RFLNA: variants seen among roughly 807,000 people sequenced by gnomAD.
RFLNA encodes the protein refilin A.
RFLNA carries 5 observed loss-of-function variants against 7.8 expected under a neutral mutation model. The ratio of observed to expected loss-of-function variants is 0.64; its 90% confidence interval spans 0.34 to 1.35. The LOEUF is 1.35. RFLNA is among the 40% of genes most tolerant of loss of function. The probability of loss-of-function intolerance (pLI) is 0.04; values close to 1 mark genes in which losing one functional copy is unlikely to be tolerated. For missense variants in RFLNA, 278 were observed against 305.5 expected, an observed-to-expected ratio of 0.91 and a Z score of 0.67; for synonymous variants, 141 against 131.3, an observed-to-expected ratio of 1.07 and a Z score of -0.50.
In RFLNA at chr12:124,295,400, C is replaced by A. The variant is rs2033888674; in HGVS notation, c.-30C>A. 1 of 1,180,626 alleles carries A rather than the reference C, an allele frequency of 8.5e-7. No individual in the cohort carries two copies. Among genetic ancestry groups the A allele is most frequent in the East Asian group, 3.2e-5 (1 of 31,084 alleles). The allele number at this position is 1,180,626 out of a possible 1,614,324, so 73.1% of individuals were successfully genotyped here. ...CGCGGTGGAGAAGCCCCCGGAGGAG[C>A]GGGGGGCCCGCGCCCCGCGCCCCCC... On this transcript the variant is annotated 5_prime_UTR_variant, in exon 1 of 3. Coordinates refer to ENST00000546355, the MANE Select transcript of RFLNA (RefSeq NM_001365156.1).
chr12:124,289,955 G>A lies in RFLNA; in HGVS notation c.-37+585G>A, dbSNP rs1417975740. ...CTCTGAAACATTTGACCACATGCCCGGCTGGACAGCTCAGACAGGGCCTGT... is the reference window on the plus strand; with the variant it reads ...CTCTGAAACATTTGACCACATGCCCAGCTGGACAGCTCAGACAGGGCCTGT... On this transcript the variant is annotated intron_variant, in intron 1 of 2. Transcript: ENST00000324038. This position sits in a 1 kb window ranked among gnomAD's most constrained non-coding sequence, Gnocchi z 5.0. Among the ~76,000 whole-genome samples the A allele has an allele frequency of 3.3e-5, 5 of 152,156 alleles. No homozygotes were observed. The highest frequency in any genetic ancestry group is 6.5e-5 in the Admixed American group (1 of 15,278).
intron 1 of RFLNA, among the ~76,000 whole-genome samples, chr12:124,298,580 C>T (rs564382172): frequency 6.6e-6 from 1 of 152,236 alleles, no homozygotes; most frequent in Admixed American, 6.5e-5. Context: ...CTGTGTGTCA[C>T]GCTCTGTTTG....
At chr12:124,300,761 T>TTGAC (rs1566322833) in intron 1 of RFLNA, among the ~76,000 whole-genome samples, 55 of 112,964 alleles carry the variant, frequency 4.9e-4, no homozygotes, top group African/African-American at 1.4e-3. Flanking sequence ...GATGGATGGA[T>TTGAC]GGATGGATGG....
intron 1 of RFLNA, among the ~76,000 whole-genome samples, chr12:124,296,977 T>G (rs1219620084): frequency 2.0e-5 from 3 of 152,174 alleles, no homozygotes; most frequent in Non-Finnish European, 4.4e-5. Flanking sequence ...TTCCAGGAGT[T>G]GATAGAGGTG....
At chr12:124,308,183 G>C (rs2034171354) in intron 1 of RFLNA, among the ~76,000 whole-genome samples, 1 of 152,060 alleles carries the variant, frequency 6.6e-6, no homozygotes, top group Non-Finnish European at 1.5e-5. Context: ...GGTTTCACCA[G>C]GTTGTCCAGG....
chr12:124,311,849 C>A lies in RFLNA; in HGVS notation c.239C>A (p.Ser80Ter). The A allele has an allele frequency of 6.3e-7, 1 of 1,599,212 alleles. No homozygotes were observed. The highest frequency in any genetic ancestry group is 8.5e-7 in the Non-Finnish European group (1 of 1,173,408). Reference sequence around the variant, plus strand: ...TCCCAACTCCCAAATCCCCCGGCGTCGGAGATGAGGCCCCGGATGCTGCCA... The same window carrying A: ...TCCCAACTCCCAAATCCCCCGGCGTAGGAGATGAGGCCCCGGATGCTGCCA... ...PPSQLPNPPASEMRPRMLPVF... is the reference protein window; with the variant it reads ...PPSQLPNPPA Residue 80 changes from serine to a stop codon, truncating the protein, a stop_gained, in exon 2 of 3, where the codon TCG (serine) becomes TAG (stop). Coordinates refer to ENST00000546355, the MANE Select transcript of RFLNA (RefSeq NM_001365156.1). LOFTEE classifies it high-confidence loss of function.
intron 1 of RFLNA, among the ~76,000 whole-genome samples, chr12:124,308,277 C>T (rs1056751518): frequency 7.2e-5 from 11 of 152,190 alleles, no homozygotes; most frequent in Admixed American, 1.3e-4. Flanking sequence ...CCACTGCCTC[C>T]GGCCTGTGTC....
intron 2 of RFLNA, among the ~76,000 whole-genome samples, chr12:124,312,977 G>A (rs1047858637): frequency 6.6e-6 from 1 of 152,202 alleles, no homozygotes; most frequent in Admixed American, 6.5e-5. Flanking sequence ...ACTCGTCCCT[G>A]TTGAGTGGGG....
At chr12:124,290,420 A>C (rs116460861), upstream of RFLNA, among the ~76,000 whole-genome samples, 801 of 152,154 alleles carry the variant, frequency 5.3e-3, 4 homozygotes, top group African/African-American at 0.018. The surrounding 1 kb of genome is among the most constrained non-coding windows in gnomAD (Gnocchi z 4.0). Flanking sequence ...ATGTAGGTAC[A>C]TGTGTGTATG....
intron 1 of RFLNA, among the ~76,000 whole-genome samples, chr12:124,296,080 C>CT (rs758764373): frequency 1.9e-4 from 1 of 5,264 alleles, no homozygotes; most frequent in Non-Finnish European, 6.3e-4. Context: ...CCTTTTCTTT[C>CT]TTTCTTTCTT....
chr12:124,298,570 C>T (rs1211659038), intron 1 of RFLNA, among the ~76,000 whole-genome samples: 1 of 152,242 alleles, frequency 6.6e-6, no homozygotes, highest in African/African-American at 2.4e-5. Context: ...TGAGCACCTA[C>T]TGTGTGTCAC....
upstream of RFLNA, among the ~76,000 whole-genome samples, chr12:124,292,527 T>C (rs532994406): frequency 2.2e-4 from 34 of 152,324 alleles, no homozygotes; most frequent in Admixed American, 1.1e-3. Context: ...CGGCTTTCAA[T>C]TGAGGGGCGG....
upstream of RFLNA, among the ~76,000 whole-genome samples, chr12:124,293,516 C>A (rs528818789): frequency 5.9e-5 from 9 of 152,264 alleles, no homozygotes; most frequent in Admixed American, 1.3e-4. Flanking sequence ...TTCAGCCAGT[C>A]ATTCTGGTCA....
intron 1 of RFLNA, among the ~76,000 whole-genome samples, chr12:124,308,547 T>A (rs1463993686): frequency 1.3e-5 from 2 of 152,250 alleles, no homozygotes; most frequent in Non-Finnish European, 2.9e-5. Flanking sequence ...TCTGGGTCCA[T>A]CTCATCTTGG....
chr12:124,293,077 C>G (rs1223942166), upstream of RFLNA, among the ~76,000 whole-genome samples: 1 of 152,076 alleles, frequency 6.6e-6, no homozygotes, highest in East Asian at 1.9e-4. Context: ...GCGCCCGCCA[C>G]CACGCCCGGC....
At chr12:124,295,793 G>A (rs2033897878) in intron 1 of RFLNA, among the ~76,000 whole-genome samples, 157 bp downstream of exon 1, 3 of 152,252 alleles carry the variant, frequency 2.0e-5, no homozygotes, top group South Asian at 4.1e-4. Context: ...CTTCTCAGGT[G>A]GGGACCAGGG....
In RFLNA at chr12:124,314,367, C is replaced by A; in HGVS notation, c.493C>A (p.Arg165Ser). 6.2e-7 allele frequency: 1 copy of A among 1,612,802 alleles called. No homozygotes were observed. The highest frequency in any genetic ancestry group is 8.5e-7 in the Non-Finnish European group (1 of 1,179,948). The change falls in exon 3 of 3, where the codon CGC (arginine) becomes AGC (serine). Residue 165 changes from arginine (R) to serine (S), a missense_variant. Coordinates refer to ENST00000546355, the MANE Select transcript of RFLNA (RefSeq NM_001365156.1). ...GCCACGCCCGCGCGCCCTGCGCTTC[C>A]GCAGCACCACCATCATCTTCCCCAA... ...LEPRPRALRF[R>S]STTIIFPKHA...
At position 124,306,545 on chromosome 12, in the gene RFLNA, G is replaced by T. The variant is rs950255933; in HGVS notation, c.208-5273G>T. ...AGGCAGTGGAGGAGCGAGGGTGAGGGCCCGGGACCTGGAGCCGCACCAGCA... is the reference window on the plus strand; with the variant it reads ...AGGCAGTGGAGGAGCGAGGGTGAGGTCCCGGGACCTGGAGCCGCACCAGCA... On this transcript the variant is annotated intron_variant, in intron 1 of 2. Transcript: ENST00000546355. This position sits in a 1 kb window ranked among gnomAD's most constrained non-coding sequence, Gnocchi z 5.2. Among the ~76,000 whole-genome samples, 1 of 152,136 alleles carries T rather than the reference G, an allele frequency of 6.6e-6. No individual in the cohort carries two copies. Among genetic ancestry groups the T allele is most frequent in the Non-Finnish European group, 1.5e-5 (1 of 68,016 alleles).
At position 124,306,402 on chromosome 12, in the gene RFLNA, G is replaced by T. The variant is rs769197350; in HGVS notation, c.208-5416G>T. ...CAGCGGGAACACCGAGGCAGCCTCGGGTCACAGACAAGGGGCCGAGACAGG... is the reference window on the plus strand; with the variant it reads ...CAGCGGGAACACCGAGGCAGCCTCGTGTCACAGACAAGGGGCCGAGACAGG... On this transcript the variant is annotated intron_variant, in intron 1 of 2. Coordinates refer to ENST00000546355, the MANE Select transcript of RFLNA (RefSeq NM_001365156.1). The surrounding 1 kb of genome is among the most constrained non-coding windows in gnomAD (Gnocchi z 5.2). 8.5e-5 allele frequency among the ~76,000 whole-genome samples: 13 copies of T among 152,140 alleles called. No homozygotes were observed. The highest frequency in any genetic ancestry group is 1.3e-4 in the Admixed American group (2 of 15,274).
Sources: allele counts gnomAD v4.1 joint callset (sites outside exome capture counted in the v4.1 genomes callset), GRCh38; gene constraint gnomAD v4.1.1; non-coding constraint Gnocchi (gnomAD v3.1); transcripts MANE v1.5; gene names NCBI Gene and HGNC (gene_info 2026-07-23, HGNC 2026-07-21).